Variants in UNC5D observed in about 807,000 individuals in gnomAD.
UNC5D encodes netrin receptor UNC5D.
In UNC5D, 39 loss-of-function variants were observed where a neutral mutation model predicts 105.4. The ratio of observed to expected loss-of-function variants is 0.37; its 90% CI spans 0.29 to 0.48. The LOEUF (loss-of-function observed/expected upper bound fraction) is 0.48. Ranked by LOEUF, UNC5D falls within the 20% of genes least tolerant of loss-of-function variation. The probability of loss-of-function intolerance (pLI) is 0.98; values close to 1 mark genes in which losing one functional copy is unlikely to be tolerated. For synonymous variants in UNC5D, 452 were observed against 450.4 expected, an observed-to-expected ratio of 1.00 and a Z score of -0.04; for missense variants, 991 against 1,202.4, an observed-to-expected ratio of 0.82 and a Z score of 2.60.
At chr8:35,485,775 T>C (rs992330275) in intron 1 of UNC5D, among the ~76,000 whole-genome samples, 1 of 152,128 alleles carries the variant, frequency 6.6e-6, no homozygotes, top group Non-Finnish European at 1.5e-5. Context: ...ATCTATAAAA[T>C]GGAGATGATT....
intron 1 of UNC5D, among the ~76,000 whole-genome samples, chr8:35,374,037 T>A (rs997263200): frequency 1.3e-5 from 2 of 152,156 alleles, no homozygotes; most frequent in African/African-American, 4.8e-5. Context: ...GTTCAAAAAA[T>A]AATATGAACT....
intron 15 of UNC5D, among the ~76,000 whole-genome samples, chr8:35,768,062 G>C (rs997448179): frequency 4.0e-5 from 6 of 151,186 alleles, no homozygotes; most frequent in Admixed American, 3.3e-4. Context: ...ATTTAGGCTT[G>C]GCAGAAGATT....
At chr8:35,360,059 A>T (rs1801777592) in intron 1 of UNC5D, among the ~76,000 whole-genome samples, 1 of 152,310 alleles carries the variant, frequency 6.6e-6, no homozygotes, top group South Asian at 2.1e-4. Context: ...GAATTACTTG[A>T]AATTATTCTG....
chr8:35,775,706 C>T (rs1394739060), intron 16 of UNC5D, among the ~76,000 whole-genome samples: 1 of 151,648 alleles, frequency 6.6e-6, no homozygotes, highest in Non-Finnish European at 1.5e-5. Context: ...CTACCTGACT[C>T]TTTCTTCTCT....
intron 4 of UNC5D, among the ~76,000 whole-genome samples, chr8:35,640,939 T>G (rs1822672111): frequency 6.6e-6 from 1 of 152,076 alleles, no homozygotes; most frequent in Admixed American, 6.6e-5. Context: ...TCTCTCTCTC[T>G]CTTTCTAATA....
intron 1 of UNC5D, among the ~76,000 whole-genome samples, chr8:35,429,282 A>G (rs1806466115): frequency 6.6e-6 from 1 of 152,144 alleles, no homozygotes; most frequent in Non-Finnish European, 1.5e-5. Context: ...TAGGTTTTTC[A>G]TAGAGATAGC....
chr8:35,585,524 ATATGTG>A (rs933516445), intron 3 of UNC5D, among the ~76,000 whole-genome samples: 4 of 137,092 alleles, frequency 2.9e-5, no homozygotes, highest in African/African-American at 1.1e-4. Context: ...TGCAACCATA[ATATGTG>A]TGTGTGTGTG....
At chr8:35,574,469 A>T (rs915742387) in intron 3 of UNC5D, among the ~76,000 whole-genome samples, 1 of 152,230 alleles carries the variant, frequency 6.6e-6, no homozygotes, top group Non-Finnish European at 1.5e-5. Flanking sequence ...AATTGTGCCA[A>T]GAAGGAGTAA....
chr8:35,256,299 G>A (rs1249799030), intron 1 of UNC5D: 1 of 152,128 alleles, frequency 6.6e-6, no homozygotes, highest in Non-Finnish European at 1.5e-5. Flanking sequence ...AATATTTGTG[G>A]GTTAATTGAG....
At chr8:35,533,928 T>C (rs537119964) in intron 1 of UNC5D, among the ~76,000 whole-genome samples, 1 of 152,296 alleles carries the variant, frequency 6.6e-6, no homozygotes, top group South Asian at 2.1e-4. Flanking sequence ...GCGCACCCAC[T>C]GGCCTGCACC....
At chr8:35,471,206 T>G (rs1463456721) in intron 1 of UNC5D, among the ~76,000 whole-genome samples, 2 of 152,104 alleles carry the variant, frequency 1.3e-5, no homozygotes, top group Non-Finnish European at 2.9e-5. Context: ...ACTAACAACC[T>G]TTTCATCTCA....
rs534605361 is a variant in UNC5D, at chr8:35,294,307, G to C, written c.103+58420G>C. On this transcript the variant is annotated intron_variant, in intron 1 of 16. Coordinates refer to ENST00000404895, the MANE Select transcript of UNC5D (RefSeq NM_080872.4). ...AGGTGGTACTTTCTCCTCCAGACTA[G>C]AGCATTTACATTTGCATTAAAAACC... Among the ~76,000 whole-genome samples, 7 of 152,094 alleles carry C rather than the reference G, an allele frequency of 4.6e-5. 1 individual carries two copies. Among genetic ancestry groups the C allele is most frequent in the Admixed American group, 2.6e-4 (4 of 15,272 alleles).
At chr8:35,788,408 TTTC>T (rs965478571) in intron 16 of UNC5D, among the ~76,000 whole-genome samples, 12 of 152,152 alleles carry the variant, frequency 7.9e-5, no homozygotes, top group African/African-American at 2.9e-4. Context: ...AGAGATGACA[TTTC>T]TATCCTTACT....
intron 4 of UNC5D, among the ~76,000 whole-genome samples, chr8:35,633,148 A>G (rs1822146758): frequency 6.6e-6 from 1 of 152,216 alleles, no homozygotes; most frequent in African/African-American, 2.4e-5. Context: ...TGCCACCTGC[A>G]ATATTTCAGG....
intron 1 of UNC5D, among the ~76,000 whole-genome samples, chr8:35,307,181 CTG>C (rs749119065): frequency 6.6e-6 from 1 of 152,178 alleles, no homozygotes; most frequent in Non-Finnish European, 1.5e-5. Context: ...TTGTTGGGCT[CTG>C]TTCAAAGCTG....
chr8:35,278,378 TCTGACTCCATCTG>T (rs1176140295), intron 1 of UNC5D, among the ~76,000 whole-genome samples: 4 of 152,192 alleles, frequency 2.6e-5, no homozygotes, highest in Non-Finnish European at 5.9e-5. Flanking sequence ...TTTTCCTCAG[TCTGACTCCATCTG>T]CTTTATATCT....
intron 1 of UNC5D, among the ~76,000 whole-genome samples, chr8:35,390,698 A>G (rs918383083): frequency 2.0e-5 from 3 of 152,182 alleles, no homozygotes; most frequent in African/African-American, 7.2e-5. Flanking sequence ...AAATTTACCA[A>G]TGCATATATT....
intron 1 of UNC5D, among the ~76,000 whole-genome samples, chr8:35,341,316 A>G (rs920651249): frequency 8.5e-5 from 13 of 152,234 alleles, no homozygotes; most frequent in African/African-American, 3.1e-4. Context: ...TTAAACAGAA[A>G]TTCTTCTCAA....
intron 1 of UNC5D, among the ~76,000 whole-genome samples, chr8:35,487,593 A>ACACACACACACACACACCCC (rs1415748793): frequency 2.0e-5 from 3 of 150,472 alleles, no homozygotes; most frequent in Admixed American, 2.0e-4. Flanking sequence ...ACACACACAC[A>ACACACACACACACACACCCC]CCCCACAGAC....
Sources: gnomAD v4.1 joint callset for allele counts (sites outside exome capture counted in the v4.1 genomes callset) on GRCh38, gnomAD v4.1.1 for gene constraint, MANE v1.5 for transcripts, NCBI Gene and HGNC (gene_info 2026-07-23, HGNC 2026-07-21) for gene names.